The following SCAPER variants were observed in gnomAD, a reference collection of about 807,000 sequenced individuals.
SCAPER encodes the protein S phase cyclin A-associated protein in the endoplasmic reticulum.
SCAPER carries 98 observed loss-of-function variants against 182.2 expected under a neutral mutation model. The observed-to-expected ratio is 0.54, with a 90% CI of 0.46 to 0.64. SCAPER has a LOEUF of 0.64. Among genes scored for constraint, SCAPER ranks in the 30% least tolerant of loss-of-function variants. The pLI is 0.00. For synonymous variants in SCAPER, 605 were observed against 564.6 expected (o/e 1.07, Z -1.01); for missense variants, 1,432 against 1,690.0 (o/e 0.85, Z 2.68).
At chr15:76,721,623 C>T (rs1598366377) in intron 17 of SCAPER, among the ~76,000 whole-genome samples, 1 of 151,940 alleles carries the variant, frequency 6.6e-6, no homozygotes, top group Non-Finnish European at 1.5e-5. Flanking sequence ...TTGTAGTTCT[C>T]CTTGAAGAGG....
At chr15:76,554,094 A>G (rs1287184520) in intron 23 of SCAPER, among the ~76,000 whole-genome samples, 1 of 152,226 alleles carries the variant, frequency 6.6e-6, no homozygotes, top group Non-Finnish European at 1.5e-5. Context: ...CAATAAAACA[A>G]TACAGGAGCT....
intron 27 of SCAPER, among the ~76,000 whole-genome samples, chr15:76,393,001 C>T (rs1317462993): frequency 6.6e-6 from 1 of 152,162 alleles, no homozygotes; most frequent in Non-Finnish European, 1.5e-5. Flanking sequence ...CCAGCCAGTT[C>T]CCTTTCTGCC....
At chr15:76,353,721 C>T (rs1332432092) in intron 30 of SCAPER, among the ~76,000 whole-genome samples, 1 of 152,168 alleles carries the variant, frequency 6.6e-6, no homozygotes, top group Non-Finnish European at 1.5e-5. Context: ...AGAAAAGTAT[C>T]CTTTCTTTGA....
At position 76,555,233 on chromosome 15, in the gene SCAPER, T is replaced by G. The variant is rs1018036620; in HGVS notation, c.2838+18925A>C. Reference sequence around the variant, plus strand: ...AGAACTCCTCTACGAAAGGTCCTTATGGGAGTGCTAAATATAGAAAGGCCA... The same window carrying G: ...AGAACTCCTCTACGAAAGGTCCTTAGGGGAGTGCTAAATATAGAAAGGCCA... On this transcript the variant is annotated intron_variant, in intron 23 of 31. Transcript: ENST00000563290. Among the ~76,000 whole-genome samples, 41 of 152,170 alleles carry G rather than the reference T, an allele frequency of 2.7e-4. 1 individual carries two copies. Among genetic ancestry groups the G allele is most frequent in the Non-Finnish European group, 1.5e-5 (1 of 68,048 alleles).
At chr15:76,485,978 T>C (rs988409520) in intron 24 of SCAPER, among the ~76,000 whole-genome samples, 2 of 151,992 alleles carry the variant, frequency 1.3e-5, no homozygotes, top group East Asian at 1.9e-4. Context: ...GAGGCCGAGG[T>C]GGGCAGATCA....
intron 21 of SCAPER, among the ~76,000 whole-genome samples, chr15:76,637,754 G>A (rs1444117505): frequency 0.3 from 21,780 of 71,490 alleles, 2,931 homozygotes; most frequent in Middle Eastern, 0.43. Context: ...GTGTGTGTGT[G>A]TGTGTGTGTG....
intron 4 of SCAPER, among the ~76,000 whole-genome samples, chr15:76,850,859 C>CAAAAAAAAAAAAA (rs59202490): frequency 1.0e-4 from 9 of 90,042 alleles, no homozygotes; most frequent in Admixed American, 3.9e-4. Context: ...GACTCTGTCT[C>CAAAAAAAAAAAAA]AAAAAAAAAA....
intron 22 of SCAPER, among the ~76,000 whole-genome samples, chr15:76,598,201 G>T (rs1232124642): frequency 8.2e-6 from 1 of 121,504 alleles, no homozygotes. Context: ...ATGAAAAAAG[G>T]CTCATCATCA....
At chr15:76,369,523 C>T (rs1280449421) in intron 29 of SCAPER, among the ~76,000 whole-genome samples, 1 of 152,108 alleles carries the variant, frequency 6.6e-6, no homozygotes, top group Non-Finnish European at 1.5e-5. Context: ...AGTTCCTCCA[C>T]CTACAATATG....
At chr15:76,895,157 C>T (rs1370829542) in intron 1 of SCAPER, among the ~76,000 whole-genome samples, 1 of 152,146 alleles carries the variant, frequency 6.6e-6, no homozygotes, top group African/African-American at 2.4e-5. Flanking sequence ...CCAAATCCAA[C>T]AGCTTATTGA....
intron 23 of SCAPER, among the ~76,000 whole-genome samples, chr15:76,533,249 C>A (rs1057110445): frequency 6.6e-6 from 1 of 152,138 alleles, no homozygotes; most frequent in Non-Finnish European, 1.5e-5. Context: ...AAATCAAATA[C>A]GTCAATATTT....
chr15:76,686,614 C>G lies in SCAPER; in HGVS notation c.2508+15144G>C, dbSNP rs536712372. ...AGTGGTATGTATAGGAATGTTAACA[C>G]CAACACTACTTACAAATCAGAAACT... On this transcript the variant is annotated intron_variant, in intron 20 of 31. Transcript: ENST00000563290. 3.3e-5 allele frequency among the ~76,000 whole-genome samples: 5 copies of G among 152,122 alleles called. No individual in the cohort carries two copies. The South Asian group carries it at 8.3e-4, about 25-fold the overall frequency.
chr15:76,564,758 A>T (rs1363984303), intron 23 of SCAPER, among the ~76,000 whole-genome samples: 1 of 152,158 alleles, frequency 6.6e-6, no homozygotes, highest in Non-Finnish European at 1.5e-5. Flanking sequence ...CATGCTACCC[A>T]ACTTTAAACT....
intron 14 of SCAPER, among the ~76,000 whole-genome samples, chr15:76,755,300 T>G (rs1466439791): frequency 6.6e-6 from 1 of 152,122 alleles, no homozygotes; most frequent in Non-Finnish European, 1.5e-5. Flanking sequence ...GAGATTCAAG[T>G]AAAAAGAAAA....
At chr15:76,486,074 G>GCT (rs2051614012) in intron 24 of SCAPER, among the ~76,000 whole-genome samples, 1 of 152,094 alleles carries the variant, frequency 6.6e-6, no homozygotes, top group African/African-American at 2.4e-5. Context: ...GGGCATGGTG[G>GCT]TGAGCACCTG....
At chr15:76,473,319 T>C (rs2050345313) in intron 24 of SCAPER, among the ~76,000 whole-genome samples, 1 of 152,222 alleles carries the variant, frequency 6.6e-6, no homozygotes, top group African/African-American at 2.4e-5. Flanking sequence ...CTGCCTGAAA[T>C]ACCCTGATTG....
Position 76,882,494 on chromosome 15 carries a change from A to C in SCAPER, c.6+1318T>G, listed in dbSNP as rs548636469. On this transcript the variant is annotated intron_variant, in intron 2 of 31. Coordinates refer to ENST00000563290, the MANE Select transcript of SCAPER (RefSeq NM_020843.4). ...AATTAGGGCAGATTAAAAAAAAAGAAATCTTCTGGCAAACAAAAGCATAGT... is the reference window on the plus strand; with the variant it reads ...AATTAGGGCAGATTAAAAAAAAAGACATCTTCTGGCAAACAAAAGCATAGT... Among the ~76,000 whole-genome samples the C allele has an allele frequency of 5.9e-5, 9 of 152,278 alleles. No homozygotes were observed. The East Asian group carries it at 1.7e-3, about 29-fold the overall frequency.
rs538900269 is a variant in SCAPER at position 76,585,858 on chromosome 15, C to G, written c.2712-11574G>C. Among the ~76,000 whole-genome samples, 3 of 152,240 alleles carry G rather than the reference C, an allele frequency of 2.0e-5. No homozygotes were observed. In the South Asian group the frequency reaches 6.2e-4, roughly 32 times the overall value. On this transcript the variant is annotated intron_variant, in intron 22 of 31. Transcript: ENST00000563290. ...TGTCAGAGAAGTCAAGCTCTGAGAGCTATATTTTCCTCACAGTGCAAAAAC... is the reference window on the plus strand; with the variant it reads ...TGTCAGAGAAGTCAAGCTCTGAGAGGTATATTTTCCTCACAGTGCAAAAAC...
rs541108575 is a variant in SCAPER at position 76,385,711 on chromosome 15, AG to A, written c.3468-4097del. 7.9e-5 allele frequency among the ~76,000 whole-genome samples: 12 copies of A among 152,318 alleles called. No homozygotes were observed. In the East Asian group the frequency reaches 1.9e-3, roughly 24 times the overall value. ...ATCAGGGTTTAAGGTGAGCACAAAC[AG>A]GCATGATGTTCTGTCAGGTATTCTG... is the stretch of plus-strand genomic sequence containing the variant. On this transcript the variant is annotated intron_variant, in intron 27 of 31. Coordinates refer to ENST00000563290, the MANE Select transcript of SCAPER (RefSeq NM_020843.4).
Sources: allele counts gnomAD v4.1 joint callset (sites outside exome capture counted in the v4.1 genomes callset), GRCh38; gene constraint gnomAD v4.1.1; transcripts MANE v1.5; gene names NCBI Gene and HGNC (gene_info 2026-07-23, HGNC 2026-07-21).